CCSER2: variants seen among roughly 807,000 people sequenced by gnomAD.
CCSER2 encodes coiled-coil serine rich protein 2, also known as serine-rich coiled-coil domain-containing protein 2.
In CCSER2, 46 loss-of-function variants were observed where a neutral mutation model predicts 92.3. That is an observed-to-expected ratio of 0.50 (90% CI 0.39 to 0.64). The LOEUF (loss-of-function observed/expected upper bound fraction) is 0.64, where lower values mean the gene tolerates loss of function less well. Ranked by LOEUF, CCSER2 falls within the 30% of genes least tolerant of loss-of-function variation. The pLI is 0.00. For missense variants in CCSER2, 1,244 were observed against 1,238.9 expected, an observed-to-expected ratio of 1.00 and a Z score of -0.06; for synonymous variants, 433 against 431.4, an observed-to-expected ratio of 1.00 and a Z score of -0.04.
At chr10:84,392,825 G>A (rs1050206487) in intron 3 of CCSER2, among the ~76,000 whole-genome samples, 2 of 152,098 alleles carry the variant, frequency 1.3e-5, no homozygotes, top group Non-Finnish European at 1.5e-5. Flanking sequence ...TCTTAATTTT[G>A]CATTGAACAT....
chr10:84,476,435 CTTTTTTT>C (rs35978182), intron 8 of CCSER2, among the ~76,000 whole-genome samples: 24 of 58,530 alleles, frequency 4.1e-4, no homozygotes, highest in African/African-American at 1.2e-3. Context: ...AATTCTCTCT[CTTTTTTT>C]TTTTTTTTTT....
intron 4 of CCSER2, chr10:84,425,186 T>C (rs1843364024): frequency 1.0e-6 from 1 of 984,056 alleles, no homozygotes; most frequent in Non-Finnish European, 1.2e-6. Flanking sequence ...TTGAACAAGC[T>C]CTTACTGCAG....
At chr10:84,506,005 A>G (rs922518725) in intron 9 of CCSER2, among the ~76,000 whole-genome samples, 2 of 151,826 alleles carry the variant, frequency 1.3e-5, no homozygotes, top group Non-Finnish European at 2.9e-5. Flanking sequence ...TTCCTGAACT[A>G]CTCTACATCA....
chr10:84,373,558 A>T lies in CCSER2; in HGVS notation c.1418-61A>T, dbSNP rs1846179894. 2.3e-6 allele frequency: 3 copies of T among 1,310,684 alleles called. No individual in the cohort carries two copies. In the South Asian group the frequency reaches 4.1e-5, roughly 18 times the overall value. 81.2% of individuals were successfully genotyped at this position (1,310,684 alleles called of 1,614,324 possible). ...GATATATCAAATTATTAGCACTTAT[A>T]TTTTTAGGACACGAGAAACAATTAT... is the stretch of plus-strand genomic sequence containing the variant. On this transcript the variant is annotated intron_variant, in intron 2 of 9. Coordinates refer to ENST00000372088, the MANE Select transcript of CCSER2 (RefSeq NM_001284240.2).
rs182286483 is a variant in CCSER2, at chr10:84,481,990, A to G, written c.2325+4326A>G. ...AATTTTGTTTAGTTGTAATTAATTT[A>G]AATGTAAATAGTCACATGTAGCTAA... is the stretch of plus-strand genomic sequence containing the variant. On this transcript the variant is annotated intron_variant, in intron 9 of 9. Coordinates refer to ENST00000372088, the MANE Select transcript of CCSER2 (RefSeq NM_001284240.2). 9.2e-5 allele frequency among the ~76,000 whole-genome samples: 14 copies of G among 152,282 alleles called. No homozygotes were observed. The East Asian group carries it at 2.1e-3, about 23-fold the overall frequency.
intron 9 of CCSER2, among the ~76,000 whole-genome samples, chr10:84,490,802 G>A (rs1158300857): frequency 6.6e-6 from 1 of 152,246 alleles, no homozygotes; most frequent in Non-Finnish European, 1.5e-5. Context: ...TTCCTTTGGA[G>A]GGGGAGAGGT....
At chr10:84,472,279 T>C (rs61866500) in intron 8 of CCSER2, among the ~76,000 whole-genome samples, 19,300 of 152,038 alleles carry the variant, frequency 0.13, 1,498 homozygotes, top group Admixed American at 0.23. Flanking sequence ...ACATAAAAGA[T>C]TGGGGGAGGC....
At chr10:84,383,988 G>A (rs1435592686) in intron 3 of CCSER2, among the ~76,000 whole-genome samples, 2 of 152,096 alleles carry the variant, frequency 1.3e-5, no homozygotes, top group Non-Finnish European at 2.9e-5. Context: ...AAATACAAAG[G>A]ATCATCAGAG....
chr10:84,458,760 T>G (rs1845924353), intron 6 of CCSER2, among the ~76,000 whole-genome samples: 1 of 152,176 alleles, frequency 6.6e-6, no homozygotes, highest in Admixed American at 6.5e-5. Flanking sequence ...TACACATATA[T>G]GTATATACAT....
intron 6 of CCSER2, among the ~76,000 whole-genome samples, chr10:84,453,486 G>A (rs1006525523): frequency 6.6e-5 from 10 of 152,198 alleles, no homozygotes; most frequent in Non-Finnish European, 8.8e-5. Flanking sequence ...CCTGTGAACC[G>A]TAGTTTGTTA....
At chr10:84,473,936 A>C (rs149894504) in intron 8 of CCSER2, among the ~76,000 whole-genome samples, 3 of 152,250 alleles carry the variant, frequency 2.0e-5, no homozygotes, top group Admixed American at 6.5e-5. Flanking sequence ...TTCAACTCCA[A>C]CCTATGTTTG....
chr10:84,386,914 A>G (rs1841243400), intron 3 of CCSER2, among the ~76,000 whole-genome samples: 1 of 152,186 alleles, frequency 6.6e-6, no homozygotes, highest in Admixed American at 6.5e-5. Context: ...CATGGAAATA[A>G]TAGATACTGG....
At chr10:84,479,930 A>T (rs1437020455) in intron 9 of CCSER2, among the ~76,000 whole-genome samples, 1 of 152,220 alleles carries the variant, frequency 6.6e-6, no homozygotes, top group Non-Finnish European at 1.5e-5. Flanking sequence ...GAGAGATCAC[A>T]ATAAGGACTT....
At chr10:84,382,124 G>T (rs1840947330) in intron 3 of CCSER2, among the ~76,000 whole-genome samples, 1 of 152,098 alleles carries the variant, frequency 6.6e-6, no homozygotes, top group South Asian at 2.1e-4. Context: ...AATCTTAGTT[G>T]TTAATATTAC....
intron 2 of CCSER2, 25 bp from the exon 3 acceptor site, chr10:84,373,594 A>C: frequency 3.2e-6 from 5 of 1,543,816 alleles, no homozygotes; most frequent in Non-Finnish European, 2.7e-6. Context: ...ATTTTTGTGA[A>C]TCAGTAACCT....
chr10:84,385,951 A>C (rs1481842577), intron 3 of CCSER2, among the ~76,000 whole-genome samples: 1 of 152,236 alleles, frequency 6.6e-6, no homozygotes, highest in Non-Finnish European at 1.5e-5. Context: ...TCAAAAGAAG[A>C]CATACAAGCA....
chr10:84,351,944 T>C (rs1844881861), intron 1 of CCSER2, among the ~76,000 whole-genome samples: 1 of 152,166 alleles, frequency 6.6e-6, no homozygotes, highest in African/African-American at 2.4e-5. Flanking sequence ...CAGTGTTCTA[T>C]GGATAGTGCC....
intron 8 of CCSER2, among the ~76,000 whole-genome samples, chr10:84,474,951 C>G (rs1847048691): frequency 6.6e-6 from 1 of 152,138 alleles, no homozygotes. Flanking sequence ...TCTTATTGGT[C>G]ATTTGGCTGA....
chr10:84,437,943 A>G (rs1304172160), intron 5 of CCSER2, among the ~76,000 whole-genome samples: 2 of 151,884 alleles, frequency 1.3e-5, no homozygotes, highest in African/African-American at 4.8e-5. Context: ...GCACTGTAAG[A>G]TTAGGAAATA....
Sources: gnomAD v4.1 joint callset for allele counts (sites outside exome capture counted in the v4.1 genomes callset) on GRCh38, gnomAD v4.1.1 for gene constraint, MANE v1.5 for transcripts, NCBI Gene and HGNC (gene_info 2026-07-23, HGNC 2026-07-21) for gene names.